Variants in MACROD2 observed in about 807,000 individuals in gnomAD.
The protein encoded by MACROD2 is ADP-ribose glycohydrolase MACROD2.
A neutral mutation model predicts 70.4 loss-of-function variants in MACROD2; 36 were observed. The ratio of observed to expected loss-of-function variants is 0.51; its 90% CI spans 0.39 to 0.68. The LOEUF (loss-of-function observed/expected upper bound fraction) is 0.68, where lower values mean the gene tolerates loss of function less well. Ranked by LOEUF, MACROD2 falls within the 30% of genes least tolerant of loss-of-function variation. MACROD2 has a pLI of 0.00. For missense variants in MACROD2, 496 were observed against 538.4 expected (o/e 0.92, Z 0.78); for synonymous variants, 172 against 178.8 (o/e 0.96, Z 0.30).
chr20:15,870,412 A>G (rs6110808), intron 9 of MACROD2, among the ~76,000 whole-genome samples: 102,092 of 151,794 alleles, frequency 0.67, 36,852 homozygotes, highest in Non-Finnish European at 0.8. Flanking sequence ...CGTACCACGA[A>G]CCTAGACTGA....
chr20:14,020,087 G>C lies in MACROD2; in HGVS notation c.163+17683G>C, dbSNP rs528919385. On this transcript the variant is annotated intron_variant, in intron 2 of 17. Coordinates refer to ENST00000684519, the MANE Select transcript of MACROD2 (RefSeq NM_001351661.2). ...AAACTAGAGGTAAATTTGGCTCCTG[G>C]ATACACCAATCAGGCATGCTGGATT... Among the ~76,000 whole-genome samples, 8 of 152,282 alleles carry C rather than the reference G, an allele frequency of 5.3e-5. No homozygotes were observed. The East Asian group carries it at 1.5e-3, about 29-fold the overall frequency.
chr20:15,224,288 G>A (rs6079711), intron 5 of MACROD2, among the ~76,000 whole-genome samples: 16,547 of 152,222 alleles, frequency 0.11, 1,133 homozygotes, highest in African/African-American at 0.19. Context: ...TAACCACAAA[G>A]CTAACCAGAA....
At chr20:15,975,533 G>T (rs2066293829) in intron 13 of MACROD2, among the ~76,000 whole-genome samples, 1 of 152,102 alleles carries the variant, frequency 6.6e-6, no homozygotes, top group South Asian at 2.1e-4. Flanking sequence ...TTAAAAACAA[G>T]ATTTCCAAAT....
At chr20:14,890,715 C>T (rs1327063555) in intron 5 of MACROD2, among the ~76,000 whole-genome samples, 2 of 149,666 alleles carry the variant, frequency 1.3e-5, no homozygotes, top group Non-Finnish European at 3.0e-5. Context: ...TGAGCTAGGG[C>T]CACTGCACTC....
chr20:15,131,933 T>C (rs2076108902), intron 5 of MACROD2, among the ~76,000 whole-genome samples: 4 of 152,066 alleles, frequency 2.6e-5, no homozygotes, highest in Admixed American at 2.6e-4. Context: ...AATACTCATA[T>C]ATTGAGTTAC....
chr20:15,473,204 T>C (rs2046982159), intron 7 of MACROD2, among the ~76,000 whole-genome samples: 2 of 152,162 alleles, frequency 1.3e-5, no homozygotes, highest in South Asian at 4.1e-4. Context: ...ATTGGGAAGA[T>C]TAGAAACAAT....
chr20:14,844,286 G>A (rs1026417584), intron 5 of MACROD2, among the ~76,000 whole-genome samples: 9 of 151,952 alleles, frequency 5.9e-5, no homozygotes, highest in Admixed American at 3.9e-4. Context: ...GGCTGAGGAG[G>A]GTGGATCACT....
intron 3 of MACROD2, among the ~76,000 whole-genome samples, chr20:14,334,660 G>A (rs576905167): frequency 7.9e-5 from 12 of 151,964 alleles, no homozygotes; most frequent in Middle Eastern, 3.4e-3. Context: ...GCAAAAGGTG[G>A]GGGGTGGGAG....
chr20:15,241,514 A>G (rs2077059274), intron 6 of MACROD2, among the ~76,000 whole-genome samples: 1 of 152,178 alleles, frequency 6.6e-6, no homozygotes, highest in South Asian at 2.1e-4. Flanking sequence ...TGGCAATTCT[A>G]TGAAATAGTA....
intron 3 of MACROD2, among the ~76,000 whole-genome samples, chr20:14,157,642 A>AT (rs1293850838): frequency 6.6e-6 from 1 of 152,052 alleles, no homozygotes; most frequent in Non-Finnish European, 1.5e-5. Context: ...CATGAGATAA[A>AT]TTTTTTAGCT....
intron 6 of MACROD2, among the ~76,000 whole-genome samples, chr20:15,282,787 C>T (rs1460146004): frequency 2.0e-5 from 3 of 152,178 alleles, no homozygotes; most frequent in Non-Finnish European, 2.9e-5. Flanking sequence ...TACCCAGTTC[C>T]AAAGGTGCTT....
chr20:14,903,714 G>T (rs1014976723), intron 5 of MACROD2, among the ~76,000 whole-genome samples: 1 of 152,022 alleles, frequency 6.6e-6, no homozygotes, highest in African/African-American at 2.4e-5. Context: ...TACAGTAAAG[G>T]CTTCTTAACA....
intron 8 of MACROD2, among the ~76,000 whole-genome samples, chr20:15,672,612 C>T (rs983919693): frequency 1.8e-4 from 28 of 152,232 alleles, no homozygotes; most frequent in East Asian, 1.9e-4. Flanking sequence ...CCAATTCACA[C>T]GACATATTCT....
At chr20:15,477,706 G>A (rs943026777) in intron 7 of MACROD2, among the ~76,000 whole-genome samples, 4 of 152,130 alleles carry the variant, frequency 2.6e-5, no homozygotes, top group Non-Finnish European at 4.4e-5. Context: ...CCGCGTCCTA[G>A]TTCACAGAAC....
chr20:15,540,769 A>G (rs917693154), intron 8 of MACROD2, among the ~76,000 whole-genome samples: 5 of 152,094 alleles, frequency 3.3e-5, no homozygotes, highest in African/African-American at 1.2e-4. Flanking sequence ...CGGTTCCATC[A>G]CTTTCTCCTG....
intron 8 of MACROD2, among the ~76,000 whole-genome samples, chr20:15,622,740 G>A (rs910819451): frequency 1.3e-5 from 2 of 152,198 alleles, no homozygotes; most frequent in Non-Finnish European, 2.9e-5. Context: ...GAAAAAGGGT[G>A]AGCACAGTAC....
chr20:15,105,923 C>T (rs941769183), intron 5 of MACROD2, among the ~76,000 whole-genome samples: 8 of 152,098 alleles, frequency 5.3e-5, no homozygotes, highest in African/African-American at 1.9e-4. Context: ...GGGTTCTGTA[C>T]ATTTCAGTAT....
intron 5 of MACROD2, among the ~76,000 whole-genome samples, chr20:14,814,390 T>TA (rs1404675822): frequency 1.3e-5 from 2 of 152,084 alleles, no homozygotes; most frequent in African/African-American, 2.4e-5. Context: ...ACAGTTTTTT[T>TA]AAAAAATAAA....
intron 3 of MACROD2, among the ~76,000 whole-genome samples, chr20:14,462,519 G>A (rs1230546496): frequency 6.6e-6 from 1 of 151,942 alleles, no homozygotes; most frequent in Non-Finnish European, 1.5e-5. Flanking sequence ...CTTTTGCTGT[G>A]CAGAAGCTCT....
Sources: allele counts gnomAD v4.1 joint callset (sites outside exome capture counted in the v4.1 genomes callset), GRCh38; gene constraint gnomAD v4.1.1; transcripts MANE v1.5; gene names NCBI Gene and HGNC (gene_info 2026-07-23, HGNC 2026-07-21).